The following RFX2 variants were observed in gnomAD, a reference collection of about 807,000 sequenced individuals.
The protein encoded by RFX2 is regulatory factor X2, also known as DNA-binding protein RFX2.
RFX2 carries 20 observed loss-of-function variants against 87.8 expected under a neutral mutation model. The ratio of observed to expected loss-of-function variants is 0.23; its 90% CI spans 0.16 to 0.33. The LOEUF (loss-of-function observed/expected upper bound fraction) is 0.33. Ranked by LOEUF, RFX2 falls within the 10% of genes least tolerant of loss-of-function variation. The pLI, the probability that RFX2 is intolerant of heterozygous loss-of-function variation, is 1.00. For synonymous variants in RFX2, 397 were observed against 431.3 expected, an observed-to-expected ratio of 0.92 and a Z score of 0.98; for missense variants, 767 against 1,012.3, an observed-to-expected ratio of 0.76 and a Z score of 3.29.
rs1379516263 is a variant in RFX2 at position 6,050,422 on chromosome 19, A to G, written c.-8-2918T>C. On this transcript the variant is annotated intron_variant, in intron 1 of 17. Transcript: ENST00000303657. This position sits in a 1 kb window ranked among gnomAD's most constrained non-coding sequence, Gnocchi z 4.6. ...ACCCAGATGATACAGATAGCATTCAAGGACTAAAGCAGCTACTAAAAATAA... is the reference window on the plus strand; with the variant it reads ...ACCCAGATGATACAGATAGCATTCAGGGACTAAAGCAGCTACTAAAAATAA... Among the ~76,000 whole-genome samples the G allele has an allele frequency of 1.3e-5, 2 of 152,266 alleles. No individual in the cohort carries two copies. The highest frequency in any genetic ancestry group is 2.9e-5 in the Non-Finnish European group (2 of 68,048).
chr19:6,084,172 G>A (rs960184365), intron 1 of RFX2, among the ~76,000 whole-genome samples: 1 of 152,156 alleles, frequency 6.6e-6, no homozygotes, highest in Non-Finnish European at 1.5e-5. Flanking sequence ...AGTTCGCTGT[G>A]CATTGTTCAG....
In RFX2 at chr19:6,043,966, C is replaced by T. The variant is rs560233676; in HGVS notation, c.180+227G>A. Among the ~76,000 whole-genome samples, 5 of 152,338 alleles carry T rather than the reference C, an allele frequency of 3.3e-5. No individual in the cohort carries two copies. In the East Asian group the frequency reaches 9.6e-4, roughly 29 times the overall value. On this transcript the variant is annotated intron_variant, in intron 3 of 17. Coordinates refer to ENST00000303657, the MANE Select transcript of RFX2 (RefSeq NM_000635.4). Reference sequence around the variant, plus strand: ...GGTTCCCCAAATGCTTGCTGAATTTCTGAATGAACGAAAGATCACCAGCTT... The same window carrying T: ...GGTTCCCCAAATGCTTGCTGAATTTTTGAATGAACGAAAGATCACCAGCTT...
chr19:6,021,030 C>T lies in RFX2; in HGVS notation c.598-4759G>A, dbSNP rs2086804231. 1.3e-5 allele frequency among the ~76,000 whole-genome samples: 2 copies of T among 152,230 alleles called. No individual in the cohort carries two copies. ...CACAGCCCCTGTGGACAGATATCCTCACCTGCCGGTGGGAAGGCAGGGATC... is the reference window on the plus strand; with the variant it reads ...CACAGCCCCTGTGGACAGATATCCTTACCTGCCGGTGGGAAGGCAGGGATC... On this transcript the variant is annotated intron_variant, in intron 6 of 17. Transcript: ENST00000303657. The surrounding 1 kb of genome is among the most constrained non-coding windows in gnomAD (Gnocchi z 5.7).
rs1171298694 is a variant in RFX2 at position 6,044,363 on chromosome 19, T to C, written c.91-81A>G. 1.1e-6 allele frequency: 1 copy of C among 875,072 alleles called. No individual in the cohort carries two copies. Among genetic ancestry groups the C allele is most frequent in the African/African-American group, 1.8e-5 (1 of 56,552 alleles). The allele number at this position is 875,072 out of a possible 1,614,324, so 54.2% of individuals were successfully genotyped here. On this transcript the variant is annotated intron_variant, in intron 2 of 17. Transcript: ENST00000303657. The surrounding 1 kb of genome is among the most constrained non-coding windows in gnomAD (Gnocchi z 5.3). The stretch of plus-strand genomic sequence containing the variant: ...TACACACAGAATGTAAGATGCTGTT[T>C]GTCTGTTCATGTGCTTTTTATTAAA...
chr19:6,049,198 T>C (rs1055585173), intron 1 of RFX2: 3 of 152,226 alleles, frequency 2.0e-5, no homozygotes, highest in Admixed American at 1.3e-4. Context: ...TTTAAATCAG[T>C]CATTTGCACA....
intron 5 of RFX2, among the ~76,000 whole-genome samples, chr19:6,032,892 C>T (rs140793272): frequency 6.6e-6 from 1 of 152,230 alleles, no homozygotes; most frequent in African/African-American, 2.4e-5. Flanking sequence ...GGGCTCAGGC[C>T]ATCCTCCCAC....
intron 1 of RFX2, among the ~76,000 whole-genome samples, chr19:6,060,713 G>A (rs1018873637): frequency 5.9e-5 from 9 of 151,942 alleles, no homozygotes; most frequent in East Asian, 5.8e-4. Flanking sequence ...GTCGCTCCTC[G>A]AAGCTCTGTC....
At chr19:6,042,235 G>C in intron 3 of RFX2, 112 bp from the exon 4 acceptor site, 2 of 931,896 alleles carry the variant, frequency 2.1e-6, no homozygotes, top group Non-Finnish European at 1.7e-6. Context: ...AGTACCAAAT[G>C]ACAATGTTCC....
At chr19:6,098,905 C>G (rs972113881) in intron 1 of RFX2, among the ~76,000 whole-genome samples, 1 of 124,858 alleles carries the variant, frequency 8.0e-6, no homozygotes, top group African/African-American at 3.0e-5. Flanking sequence ...CCAGGGCTGA[C>G]TTTTTGGGGT....
rs370919538 is a variant in RFX2, at chr19:5,997,021, C to G, written c.2013+39G>C. 9 of 1,579,490 alleles carry G rather than the reference C, an allele frequency of 5.7e-6. No individual in the cohort carries two copies. Among genetic ancestry groups the G allele is most frequent in the African/African-American group, 1.3e-5 (1 of 74,656 alleles). ...GCACACCGCCCTCTCCCCACAGGCC[C>G]GGCCAAGCCCCGGCCGTCCCACCCA... is the stretch of plus-strand genomic sequence containing the variant. On this transcript the variant is annotated intron_variant, in intron 16 of 17. Transcript: ENST00000303657. This position sits in a 1 kb window ranked among gnomAD's most constrained non-coding sequence, Gnocchi z 4.2.
rs139362498 is a variant in RFX2 at position 6,079,625 on chromosome 19, C to G, written c.-9+30768G>C. On this transcript the variant is annotated intron_variant, in intron 1 of 17. Transcript: ENST00000303657. Reference sequence around the variant, plus strand: ...CAAGTGGGCTGGGTGTGGTGGCTCACGCCTGTAATCCTAGCACTTTGGAAG... The same window carrying G: ...CAAGTGGGCTGGGTGTGGTGGCTCAGGCCTGTAATCCTAGCACTTTGGAAG... 9.9e-5 allele frequency among the ~76,000 whole-genome samples: 15 copies of G among 152,178 alleles called. No individual in the cohort carries two copies. In the East Asian group the frequency reaches 2.9e-3, roughly 29 times the overall value.
chr19:6,063,165 A>G lies in RFX2; in HGVS notation c.-8-15661T>C, dbSNP rs558516425. On this transcript the variant is annotated intron_variant, in intron 1 of 17. Transcript: ENST00000303657. This position sits in a 1 kb window ranked among gnomAD's most constrained non-coding sequence, Gnocchi z 4.0. The stretch of plus-strand genomic sequence containing the variant: ...TCCCCTGGCGCCTGCTCTGTGGGGA[A>G]AGCCGGGCTTCCTCTGATTCCGGAT... Among the ~76,000 whole-genome samples, 20 of 152,248 alleles carry G rather than the reference A, an allele frequency of 1.3e-4. No individual in the cohort carries two copies. Among genetic ancestry groups the G allele is most frequent in the Non-Finnish European group, 2.2e-4 (15 of 68,014 alleles).
intron 1 of RFX2, among the ~76,000 whole-genome samples, chr19:6,084,900 G>A (rs11665960): frequency 0.22 from 33,202 of 152,144 alleles, 4,044 homozygotes; most frequent in South Asian, 0.3. Flanking sequence ...GCCTCCCAGA[G>A]TGCTGGGATT....
chr19:5,997,006 C>T lies in RFX2; in HGVS notation c.2013+54G>A. 1 of 1,559,918 alleles carries T rather than the reference C, an allele frequency of 6.4e-7. No individual in the cohort carries two copies. Among genetic ancestry groups the T allele is most frequent in the South Asian group, 1.2e-5 (1 of 84,762 alleles). ...TCTGGGCTGCTCAGAGCACACCGCC[C>T]TCTCCCCACAGGCCCGGCCAAGCCC... On this transcript the variant is annotated intron_variant, in intron 16 of 17. Coordinates refer to ENST00000303657, the MANE Select transcript of RFX2 (RefSeq NM_000635.4). The surrounding 1 kb of genome is among the most constrained non-coding windows in gnomAD (Gnocchi z 4.2).
At position 6,004,565 on chromosome 19, in the gene RFX2, G is replaced by A. The variant is rs2086550698; in HGVS notation, c.1403-267C>T. ...CTGGGCAATGTCTGGGGACGTTAAT[G>A]GTGGTCATGACTGCAGGGTGCCTCA... On this transcript the variant is annotated intron_variant, in intron 12 of 17. Transcript: ENST00000303657. This position sits in a 1 kb window ranked among gnomAD's most constrained non-coding sequence, Gnocchi z 4.8. 6.6e-6 allele frequency among the ~76,000 whole-genome samples: 1 copy of A among 152,112 alleles called. No individual in the cohort carries two copies. The highest frequency in any genetic ancestry group is 2.1e-4 in the South Asian group (1 of 4,826).
At chr19:6,070,645 A>G (rs1422227084) in intron 1 of RFX2, among the ~76,000 whole-genome samples, 1 of 152,076 alleles carries the variant, frequency 6.6e-6, no homozygotes, top group East Asian at 1.9e-4. Context: ...TCCCACCTCA[A>G]TGCCTGACAG....
At position 6,026,030 on chromosome 19, in the gene RFX2, C is replaced by T; in HGVS notation, c.597+133G>A. Reference sequence around the variant, plus strand: ...AAACTCCTGACTTCAAGTGATCCACCCGCCTTGGCCTCCCAAAGTGCTGGG... The same window carrying T: ...AAACTCCTGACTTCAAGTGATCCACTCGCCTTGGCCTCCCAAAGTGCTGGG... On this transcript the variant is annotated intron_variant, in intron 6 of 17. Coordinates refer to ENST00000303657, the MANE Select transcript of RFX2 (RefSeq NM_000635.4). This position sits in a 1 kb window ranked among gnomAD's most constrained non-coding sequence, Gnocchi z 4.5. 1 of 689,026 alleles carries T rather than the reference C, an allele frequency of 1.5e-6. No homozygotes were observed. The highest frequency in any genetic ancestry group is 2.5e-6 in the Non-Finnish European group (1 of 393,904). The allele number at this position is 689,026 out of a possible 1,614,324, so 42.7% of individuals were successfully genotyped here.
At position 6,021,891 on chromosome 19, in the gene RFX2, G is replaced by A. The variant is rs543158507; in HGVS notation, c.597+4272C>T. Reference sequence around the variant, plus strand: ...AGGCTGGGTAGGGGTGGGTGCTGACGGCTGGCTAGGAGGTGGCCGAAAGAA... The same window carrying A: ...AGGCTGGGTAGGGGTGGGTGCTGACAGCTGGCTAGGAGGTGGCCGAAAGAA... On this transcript the variant is annotated intron_variant, in intron 6 of 17. Transcript: ENST00000303657. The surrounding 1 kb of genome is among the most constrained non-coding windows in gnomAD (Gnocchi z 5.7). 1.3e-5 allele frequency among the ~76,000 whole-genome samples: 2 copies of A among 152,272 alleles called. No homozygotes were observed. Among genetic ancestry groups the A allele is most frequent in the East Asian group, 1.9e-4 (1 of 5,186 alleles).
intron 1 of RFX2, among the ~76,000 whole-genome samples, chr19:6,054,515 AAAT>A (rs2087306852): frequency 6.6e-6 from 1 of 152,210 alleles, no homozygotes; most frequent in African/African-American, 2.4e-5. Flanking sequence ...AACAATATAT[AAAT>A]AATATAACCC....
Sources: gnomAD v4.1 joint callset for allele counts (sites outside exome capture counted in the v4.1 genomes callset) on GRCh38, gnomAD v4.1.1 for gene constraint, Gnocchi (gnomAD v3.1) non-coding constraint, MANE v1.5 for transcripts, NCBI Gene and HGNC (gene_info 2026-07-23, HGNC 2026-07-21) for gene names.